Variants in COQ5 observed in about 807,000 individuals in gnomAD.
COQ5 encodes 2-methoxy-6-polyprenyl-1,4-benzoquinol methylase, mitochondrial.
A neutral mutation model predicts 40.5 loss-of-function variants in COQ5; 27 were observed. That is an observed-to-expected ratio of 0.67 (90% CI 0.49 to 0.92). The LOEUF (loss-of-function observed/expected upper bound fraction) is 0.92, where lower values mean the gene tolerates loss of function less well. COQ5 is among the 40% of genes least tolerant of loss of function. COQ5 has a pLI of 0.00. For missense variants in COQ5, 409 were observed against 406.4 expected, an observed-to-expected ratio of 1.01 and a Z score of -0.06; for synonymous variants, 141 against 150.0, an observed-to-expected ratio of 0.94 and a Z score of 0.44.
At chr12:120,521,506 T>A (rs1869654478) in intron 2 of COQ5, among the ~76,000 whole-genome samples, 1 of 151,068 alleles carries the variant, frequency 6.6e-6, no homozygotes, top group South Asian at 2.1e-4. Context: ...TGGAACCCTG[T>A]CTCTACTAAC....
chr12:120,525,943 T>C (rs1593026916), intron 1 of COQ5, among the ~76,000 whole-genome samples: 1 of 151,750 alleles, frequency 6.6e-6, no homozygotes, highest in Admixed American at 6.6e-5. Flanking sequence ...TAAATATAAA[T>C]AAATAAATAA....
chr12:120,525,720 C>G (rs1369938431), intron 1 of COQ5, among the ~76,000 whole-genome samples: 1 of 151,804 alleles, frequency 6.6e-6, no homozygotes, highest in Non-Finnish European at 1.5e-5. Context: ...GTCCAGAGAT[C>G]GAGACCATCC....
At chr12:120,509,964 A>G in intron 4 of COQ5, 53 bp downstream of exon 4, 2 of 1,382,254 alleles carry the variant, frequency 1.4e-6, no homozygotes, top group Non-Finnish European at 2.1e-6. Context: ...GTAGCTCTAC[A>G]ACAGAGGTAA....
At chr12:120,527,988 C>CAAAAAAAAAAA in intron 1 of COQ5, among the ~76,000 whole-genome samples, 18 of 23,028 alleles carry the variant, frequency 7.8e-4, no homozygotes, top group African/African-American at 8.6e-4. Flanking sequence ...GACTCAGTCT[C>CAAAAAAAAAAA]AAAAAAAAAA....
intron 1 of COQ5, among the ~76,000 whole-genome samples, chr12:120,524,780 T>C (rs913291894): frequency 2.0e-5 from 3 of 151,984 alleles, no homozygotes; most frequent in Non-Finnish European, 4.4e-5. Flanking sequence ...CAACGCCTAT[T>C]CTCAACCTTC....
At chr12:120,508,816 G>A (rs1868999034) in intron 4 of COQ5, among the ~76,000 whole-genome samples, 1 of 151,806 alleles carries the variant, frequency 6.6e-6, no homozygotes, top group African/African-American at 2.4e-5. Flanking sequence ...ATGAGGTCAA[G>A]AGACAGAGAC....
intron 1 of COQ5, 63 bp from the exon 2 acceptor site, chr12:120,522,426 C>A: frequency 2.6e-6 from 4 of 1,554,772 alleles, no homozygotes; most frequent in Admixed American, 3.4e-5. Context: ...AAATCCTAAA[C>A]AAAAAAGGAG....
At chr12:120,518,566 CTTTTT>C (rs1210331760) in intron 2 of COQ5, among the ~76,000 whole-genome samples, 3 of 142,670 alleles carry the variant, frequency 2.1e-5, no homozygotes, top group African/African-American at 7.7e-5. Flanking sequence ...TATTTTATAT[CTTTTT>C]TTTTTTTTCC....
intron 3 of COQ5, among the ~76,000 whole-genome samples, chr12:120,514,104 G>C (rs1329784785): frequency 6.6e-6 from 1 of 152,150 alleles, no homozygotes; most frequent in Non-Finnish European, 1.5e-5. Flanking sequence ...CTGAGTACCA[G>C]AGAGAAGGGA....
chr12:120,523,874 G>A, intron 1 of COQ5: 1 of 377,386 alleles, frequency 2.6e-6, no homozygotes, highest in South Asian at 1.9e-5. Flanking sequence ...GCTGGGCATG[G>A]TTGTGCACAC....
chr12:120,521,907 G>T (rs902583152), intron 2 of COQ5, among the ~76,000 whole-genome samples: 3 of 151,956 alleles, frequency 2.0e-5, no homozygotes, highest in Admixed American at 6.6e-5. Context: ...TGAGGCAGGA[G>T]AATTGCTTGA....
At chr12:120,527,986 C>A (rs1870033617) in intron 1 of COQ5, among the ~76,000 whole-genome samples, 2 of 15,010 alleles carry the variant, frequency 1.3e-4, no homozygotes, top group South Asian at 6.3e-3. Flanking sequence ...GAGACTCAGT[C>A]TCAAAAAAAA....
At chr12:120,517,503 T>C (rs1869433726) in intron 2 of COQ5, among the ~76,000 whole-genome samples, 1 of 134,686 alleles carries the variant, frequency 7.4e-6, no homozygotes, top group Non-Finnish European at 1.6e-5. Flanking sequence ...ACCCCGTCTC[T>C]ACTAAAAAAA....
intron 1 of COQ5, chr12:120,522,701 GC>G (rs999106298): frequency 9.2e-6 from 6 of 655,316 alleles, no homozygotes; most frequent in Non-Finnish European, 1.6e-5. Flanking sequence ...ACCTTTGGGA[GC>G]CTAAGCTGGA....
intron 2 of COQ5, among the ~76,000 whole-genome samples, chr12:120,519,835 A>C (rs557871647): frequency 6.8e-6 from 1 of 148,030 alleles, no homozygotes. Flanking sequence ...GTGCCATTGC[A>C]CTTCAGCCTG....
chr12:120,508,916 T>A (rs958810156), intron 4 of COQ5, among the ~76,000 whole-genome samples: 2 of 151,586 alleles, frequency 1.3e-5, no homozygotes, highest in Middle Eastern at 6.8e-3. Context: ...TCCCAGCTAC[T>A]CCGGAGGCTG....
chr12:120,509,764 A>AATCT (rs1375890531), intron 4 of COQ5: 12 of 435,430 alleles, frequency 2.8e-5, no homozygotes, highest in African/African-American at 6.0e-5. Context: ...TTAAAAAAAA[A>AATCT]ATCTATCTAT....
chr12:120,518,972 A>T (rs1235390508), intron 2 of COQ5, among the ~76,000 whole-genome samples: 1 of 152,270 alleles, frequency 6.6e-6, no homozygotes, highest in Non-Finnish European at 1.5e-5. Flanking sequence ...AGGTATGCAT[A>T]TAACAACATT....
chr12:120,512,153 T>C (rs1331208213), intron 3 of COQ5, among the ~76,000 whole-genome samples: 1 of 151,714 alleles, frequency 6.6e-6, no homozygotes, highest in Non-Finnish European at 1.5e-5. Context: ...GAGCTTGCAG[T>C]GAGCCGAGAT....
Sources: allele counts gnomAD v4.1 joint callset (sites outside exome capture counted in the v4.1 genomes callset), GRCh38; gene constraint gnomAD v4.1.1; transcripts MANE v1.5; gene names NCBI Gene and HGNC (gene_info 2026-07-23, HGNC 2026-07-21).